AR: variants seen among roughly 807,000 people sequenced by gnomAD.
AR encodes androgen receptor.
Under a neutral mutation model 53.9 loss-of-function variants are expected in AR, and 8 were observed. That is an observed-to-expected ratio of 0.15 (90% CI 0.09 to 0.27). The LOEUF (loss-of-function observed/expected upper bound fraction) is 0.27. AR is among the 10% of genes least tolerant of loss of function. The probability of loss-of-function intolerance (pLI) is 1.00; values close to 1 mark genes in which losing one functional copy is unlikely to be tolerated. For missense variants in AR, 639 were observed against 742.5 expected (o/e 0.86, Z 1.62); for synonymous variants, 359 against 316.4 (o/e 1.13, Z -1.43).
chrX:67,720,747 G>A (rs1464506917), intron 5 of AR, among the ~76,000 whole-genome samples: 1 of 110,588 alleles, frequency 9.0e-6, no homozygotes, highest in Non-Finnish European at 1.9e-5. Flanking sequence ...TATGGAGTAG[G>A]CTAGTGGCTT....
chrX:67,583,350 C>G (rs1171210214), intron 1 of AR, among the ~76,000 whole-genome samples: 1 of 111,931 alleles, frequency 8.9e-6, no homozygotes, highest in Non-Finnish European at 1.9e-5. Flanking sequence ...AGCAGTGTTT[C>G]TTTGTAAGGC....
Position 67,728,297 on chromosome X carries a change from A to T in AR, c.*4456A>T, listed in dbSNP as rs1348965564. The stretch of plus-strand genomic sequence containing the variant: ...AGAACTGGCTTTCCTTTTCTCTAGT[A>T]GTTGCTGAGCAAATTGTTGAAGCTC... On this transcript the variant is annotated 3_prime_UTR_variant, in exon 8 of 8. Coordinates refer to ENST00000374690, the MANE Select transcript of AR (RefSeq NM_000044.6). 1.9e-5 allele frequency: 3 copies of T among 162,026 alleles called. No homozygotes were observed. Among genetic ancestry groups the T allele is most frequent in the Non-Finnish European group, 3.5e-5 (3 of 85,372 alleles). 13.4% of individuals were successfully genotyped at this position (162,026 alleles called of 1,213,427 possible).
chrX:67,576,070 T>C (rs1922031524), intron 1 of AR, among the ~76,000 whole-genome samples: 2 of 111,491 alleles, frequency 1.8e-5, no homozygotes, highest in Non-Finnish European at 3.8e-5. Flanking sequence ...AGGAAAGATA[T>C]TCTGTCATCT....
chrX:67,595,215 G>A (rs963694981), intron 1 of AR, among the ~76,000 whole-genome samples: 7 of 110,936 alleles, frequency 6.3e-5, no homozygotes, highest in Non-Finnish European at 1.1e-4. Flanking sequence ...GCTATGGAGG[G>A]ATTGTTGATG....
chrX:67,712,989 A>G (rs73534104), intron 4 of AR, among the ~76,000 whole-genome samples: 237 of 110,334 alleles, frequency 2.1e-3, no homozygotes, highest in African/African-American at 7.3e-3. Context: ...TGATTGGCCT[A>G]TAGTTACATA....
chrX:67,554,273 T>G (rs182411786), intron 1 of AR, among the ~76,000 whole-genome samples: 1 of 112,221 alleles, frequency 8.9e-6, no homozygotes, highest in Non-Finnish European at 1.9e-5. Context: ...CTAGCTATAT[T>G]AGGCTTATGT....
intron 1 of AR, among the ~76,000 whole-genome samples, chrX:67,601,830 C>A (rs930016999): frequency 9.0e-6 from 1 of 111,611 alleles, no homozygotes; most frequent in Non-Finnish European, 1.9e-5. Context: ...TAAATAAGAG[C>A]TCGTAGATAA....
intron 1 of AR, among the ~76,000 whole-genome samples, chrX:67,558,200 A>C (rs1225232636): frequency 8.9e-6 from 1 of 112,293 alleles, no homozygotes; most frequent in Non-Finnish European, 1.9e-5. Context: ...TTACATTGGA[A>C]AAGTGAAAAT....
Position 67,724,179 on chromosome X carries a change from C to T in AR, c.*338C>T. ...TGTCAAGTTGTGCTTGTTTACAGCA[C>T]TACTCTGTGCCAGCCACACAAACGT... On this transcript the variant is annotated 3_prime_UTR_variant, in exon 8 of 8. Transcript: ENST00000374690. 4.0e-6 allele frequency: 1 copy of T among 249,100 alleles called. No homozygotes were observed. Among genetic ancestry groups the T allele is most frequent in the African/African-American group, 2.7e-5 (1 of 36,447 alleles). 20.5% of individuals were successfully genotyped at this position (249,100 alleles called of 1,213,427 possible). A position where few individuals can be genotyped will look rare whatever the true frequency, so the allele number is the denominator to read the frequency against.
At chrX:67,705,521 C>T (rs1190608831) in intron 3 of AR, among the ~76,000 whole-genome samples, 1 of 111,574 alleles carries the variant, frequency 9.0e-6, no homozygotes, top group African/African-American at 3.3e-5. Flanking sequence ...GCTGAAGTTG[C>T]TTATCAGCTT....
At chrX:67,661,433 A>C (rs1246676734) in intron 2 of AR, among the ~76,000 whole-genome samples, 2 of 110,850 alleles carry the variant, frequency 1.8e-5, no homozygotes, top group South Asian at 7.6e-4. Context: ...AGCGCTGTTG[A>C]ATTTTGTTAA....
At chrX:67,678,554 CA>C (rs1451969446) in intron 2 of AR, among the ~76,000 whole-genome samples, 1 of 111,591 alleles carries the variant, frequency 9.0e-6, no homozygotes, top group Non-Finnish European at 1.9e-5. Context: ...ATTTTAGGTT[CA>C]GGGGTTCATG....
chrX:67,612,883 C>G (rs2147388265), intron 1 of AR, among the ~76,000 whole-genome samples: 1 of 111,930 alleles, frequency 8.9e-6, no homozygotes, highest in South Asian at 3.7e-4. Flanking sequence ...TGGAGGCTTC[C>G]TCTCTCTCAA....
rs1347649312 is a variant in AR, at chrX:67,671,505, G to T, written c.1769-14505G>T. On this transcript the variant is annotated intron_variant, in intron 2 of 7. Coordinates refer to ENST00000374690, the MANE Select transcript of AR (RefSeq NM_000044.6). The stretch of plus-strand genomic sequence containing the variant: ...TGTCGATTCTGGATATTAGCTCTTT[G>T]TCAGATGAATAGATTGCAAAAATTT... Among the ~76,000 whole-genome samples the T allele has an allele frequency of 7.1e-5, 8 of 112,215 alleles. No individual in the cohort carries two copies. The Admixed American group carries it at 7.6e-4, about 11-fold the overall frequency.
At chrX:67,653,276 G>A (rs1926431429) in intron 2 of AR, among the ~76,000 whole-genome samples, 1 of 112,059 alleles carries the variant, frequency 8.9e-6, no homozygotes. Flanking sequence ...TGAGTGATTT[G>A]CCCAAAGTCA....
intron 4 of AR, among the ~76,000 whole-genome samples, chrX:67,712,598 T>C (rs555765042): frequency 1.8e-5 from 2 of 112,484 alleles, no homozygotes; most frequent in South Asian, 7.3e-4. Context: ...GGAGCTAGTT[T>C]ATTTAAAGCC....
intron 1 of AR, among the ~76,000 whole-genome samples, chrX:67,627,214 C>T (rs1231660224): frequency 2.7e-5 from 3 of 111,537 alleles, no homozygotes; most frequent in Non-Finnish European, 5.6e-5. Context: ...ACACTGACTT[C>T]CACAAGGGTT....
intron 2 of AR, among the ~76,000 whole-genome samples, chrX:67,668,110 A>C (rs1239874901): frequency 8.9e-6 from 1 of 111,862 alleles, no homozygotes; most frequent in African/African-American, 3.2e-5. Flanking sequence ...GTTGAATAAC[A>C]GTGGGGAAAG....
In AR at chrX:67,545,316, T is replaced by TGCAGCA. The variant is rs3032358; in HGVS notation, c.234_239dup (p.Gln79_Gln80dup). 34,271 of 985,708 alleles carry TGCAGCA rather than the reference T, an allele frequency of 0.035. 2,458 individuals are homozygous for TGCAGCA. Among genetic ancestry groups the TGCAGCA allele is most frequent in the East Asian group, 0.083 (2,403 of 29,000 alleles). The allele number at this position is 985,708 out of a possible 1,213,427, so 81.2% of individuals were successfully genotyped here. ...CCTCCCGGCGCCAGTTTGCTGCTGC[T>TGCAGCA]GCAGCAGCAGCAGCAGCAGCAGCAG... On this transcript the variant is annotated inframe_insertion, in exon 1 of 8. Transcript: ENST00000374690.
Sources: gnomAD v4.1 joint callset for allele counts (sites outside exome capture counted in the v4.1 genomes callset) on GRCh38, gnomAD v4.1.1 for gene constraint, MANE v1.5 for transcripts, NCBI Gene and HGNC (gene_info 2026-07-23, HGNC 2026-07-21) for gene names.